SLTM: variants seen among roughly 807,000 people sequenced by gnomAD.
SLTM encodes SAFB like transcription modulator.
A neutral mutation model predicts 134.6 loss-of-function variants in SLTM; 43 were observed. The observed-to-expected ratio is 0.32, with a 90% confidence interval of 0.25 to 0.41. The LOEUF (loss-of-function observed/expected upper bound fraction) is 0.41. SLTM is among the 10% of genes least tolerant of loss of function. The pLI is 1.00. For synonymous variants in SLTM, 424 were observed against 432.3 expected (o/e 0.98, Z 0.24); for missense variants, 1,055 against 1,288.8 (o/e 0.82, Z 2.78).
intron 20 of SLTM, among the ~76,000 whole-genome samples, chr15:58,882,951 G>A (rs1220930154): frequency 2.0e-5 from 3 of 152,228 alleles, no homozygotes; most frequent in African/African-American, 7.2e-5. Context: ...CACACTTTCA[G>A]TATTTTCTTC....
intron 5 of SLTM, among the ~76,000 whole-genome samples, chr15:58,908,178 T>C (rs1394166144): frequency 3.3e-5 from 5 of 151,936 alleles, no homozygotes; most frequent in African/African-American, 1.2e-4. Context: ...CACCTCGGTC[T>C]ACCTCCTGAG....
chr15:58,919,602 C>T (rs1357478929), intron 2 of SLTM, among the ~76,000 whole-genome samples: 1 of 152,046 alleles, frequency 6.6e-6, no homozygotes, highest in Non-Finnish European at 1.5e-5. Context: ...TGCACTCCAG[C>T]CTGGGCAACA....
chr15:58,890,230 A>G lies in SLTM; in HGVS notation c.2079+51T>C, dbSNP rs373529407. The G allele has an allele frequency of 8.1e-6, 13 of 1,595,322 alleles. No individual in the cohort carries two copies. The African/African-American group carries it at 1.1e-4, about 13-fold the overall frequency. On this transcript the variant is annotated intron_variant, in intron 15 of 20. Coordinates refer to ENST00000380516, the MANE Select transcript of SLTM (RefSeq NM_024755.4). ...AAGCAAGTTTTAGGGCTAAAATCAC[A>G]GAGTCTGAAAAAGGTGAGTTATTTA...
At chr15:58,892,537 T>C (rs1021611151) in intron 14 of SLTM, among the ~76,000 whole-genome samples, 3 of 152,208 alleles carry the variant, frequency 2.0e-5, no homozygotes, top group Non-Finnish European at 4.4e-5. Context: ...AGCTTTGGTG[T>C]TGAGGAAAGA....
rs189115394 is a variant in SLTM at position 58,911,263 on chromosome 15, G to C, written c.561+1300C>G. On this transcript the variant is annotated intron_variant, in intron 5 of 20. Transcript: ENST00000380516. Reference sequence around the variant, plus strand: ...GCTCACTAGCATTTCAAAGGCAAGAGTGTTGCAGAAAAGAAAGCATGCTGA... The same window carrying C: ...GCTCACTAGCATTTCAAAGGCAAGACTGTTGCAGAAAAGAAAGCATGCTGA... Among the ~76,000 whole-genome samples, 100 of 152,278 alleles carry C rather than the reference G, an allele frequency of 6.6e-4. 1 individual carries two copies. Among genetic ancestry groups the C allele is most frequent in the Admixed American group, 2.1e-3 (32 of 15,292 alleles).
At chr15:58,922,013 G>A (rs970130981) in intron 2 of SLTM, among the ~76,000 whole-genome samples, 2 of 151,802 alleles carry the variant, frequency 1.3e-5, no homozygotes, top group Non-Finnish European at 2.9e-5. Context: ...GACTCCAGCC[G>A]ACTATATTGT....
At chr15:58,881,401 G>A (rs1283162278) in intron 20 of SLTM, among the ~76,000 whole-genome samples, 1 of 151,726 alleles carries the variant, frequency 6.6e-6, no homozygotes, top group Non-Finnish European at 1.5e-5. Context: ...GGTGGCACAC[G>A]CTGTTGTCCC....
chr15:58,891,206 A>AG (rs1643052255), intron 14 of SLTM, among the ~76,000 whole-genome samples: 1 of 152,206 alleles, frequency 6.6e-6, no homozygotes, highest in East Asian at 1.9e-4. Context: ...AATTATCACA[A>AG]TGACCATGGG....
intron 14 of SLTM, 92 bp downstream of exon 14, chr15:58,892,805 G>A (rs1199430192): frequency 3.8e-6 from 5 of 1,331,786 alleles, no homozygotes; most frequent in Non-Finnish European, 5.2e-6. Context: ...ACAGTTTTCT[G>A]TGGGAATACA....
chr15:58,919,588 C>T (rs552538623), intron 2 of SLTM, among the ~76,000 whole-genome samples: 28 of 152,150 alleles, frequency 1.8e-4, no homozygotes, highest in African/African-American at 6.3e-4. Context: ...ATTATACCAA[C>T]CACTGCACTC....
intron 2 of SLTM, among the ~76,000 whole-genome samples, chr15:58,930,842 CTAA>C (rs1188600474): frequency 3.3e-5 from 5 of 150,366 alleles, no homozygotes; most frequent in Non-Finnish European, 5.9e-5. Flanking sequence ...GAAATTATTT[CTAA>C]TAATAAGAGA....
intron 20 of SLTM, among the ~76,000 whole-genome samples, chr15:58,881,953 G>A (rs1335549310): frequency 1.3e-5 from 2 of 151,758 alleles, no homozygotes; most frequent in Admixed American, 1.3e-4. Context: ...GCTCATGCCT[G>A]TAATCCTAGC....
At chr15:58,896,914 C>A (rs2035123332) in intron 9 of SLTM, among the ~76,000 whole-genome samples, 1 of 152,186 alleles carries the variant, frequency 6.6e-6, no homozygotes, top group East Asian at 1.9e-4. Context: ...ATTCCCAAGG[C>A]TCAGAGAGAG....
chr15:58,888,953 A>C (rs1199786913), intron 16 of SLTM, among the ~76,000 whole-genome samples: 1 of 152,114 alleles, frequency 6.6e-6, no homozygotes, highest in Non-Finnish European at 1.5e-5. Flanking sequence ...GTAAGTCAGA[A>C]GCACAGTTCA....
chr15:58,894,382 G>A (rs1438246169), intron 10 of SLTM, 51 bp downstream of exon 10: 1 of 1,603,360 alleles, frequency 6.2e-7, no homozygotes, highest in African/African-American at 1.3e-5. Context: ...TATGAGTTGA[G>A]AACTAGCCAT....
intron 2 of SLTM, among the ~76,000 whole-genome samples, chr15:58,928,659 C>T (rs141183340): frequency 6.6e-5 from 10 of 151,782 alleles, no homozygotes; most frequent in Admixed American, 2.0e-4. Context: ...GAAAGTTACC[C>T]TATAGTTATT....
intron 3 of SLTM, among the ~76,000 whole-genome samples, chr15:58,915,595 G>T (rs185741563): frequency 6.6e-6 from 1 of 152,254 alleles, no homozygotes; most frequent in African/African-American, 2.4e-5. Flanking sequence ...AACACAAGCT[G>T]ATTACAGGCA....
In SLTM at chr15:58,897,269, C is replaced by CA. The variant is rs1435391575; in HGVS notation, c.1109-37dup. 6.7e-6 allele frequency: 8 copies of CA among 1,193,942 alleles called. No individual in the cohort carries two copies. The Admixed American group carries it at 1.3e-4, about 19-fold the overall frequency. The allele number at this position is 1,193,942 out of a possible 1,614,324, so 74.0% of individuals were successfully genotyped here. ...TTTAATATCAGATGTTTAAGTATCT[C>CA]AATCAGAATCTTTATACAAAACTAT... is the stretch of plus-strand genomic sequence containing the variant. On this transcript the variant is annotated intron_variant, in intron 8 of 20. Transcript: ENST00000380516.
chr15:58,896,991 T>G (rs1733038924), intron 9 of SLTM, 124 bp downstream of exon 9: 2 of 599,108 alleles, frequency 3.3e-6, no homozygotes, highest in Non-Finnish European at 6.0e-6. Context: ...TCAATAATTA[T>G]GTCTATTAAC....
Sources: allele counts gnomAD v4.1 joint callset (sites outside exome capture counted in the v4.1 genomes callset), GRCh38; gene constraint gnomAD v4.1.1; transcripts MANE v1.5; gene names NCBI Gene and HGNC (gene_info 2026-07-23, HGNC 2026-07-21).